The following KIF26B variants were observed in gnomAD, a reference collection of about 807,000 sequenced individuals.
KIF26B encodes the protein kinesin-like protein KIF26B.
A neutral mutation model predicts 151.2 loss-of-function variants in KIF26B; 63 were observed. The observed-to-expected ratio is 0.42, with a 90% CI of 0.34 to 0.51. KIF26B has a LOEUF of 0.51. KIF26B is among the 20% of genes least tolerant of loss of function. The probability of loss-of-function intolerance (pLI) is 0.07; values close to 1 mark genes in which losing one functional copy is unlikely to be tolerated. For missense variants in KIF26B, 2,813 were observed against 2,913.6 expected, an observed-to-expected ratio of 0.97 and a Z score of 0.79; for synonymous variants, 1,357 against 1,262.1, an observed-to-expected ratio of 1.08 and a Z score of -1.59.
At chr1:245,654,700 C>T (rs950540976) in intron 10 of KIF26B, among the ~76,000 whole-genome samples, 5 of 152,136 alleles carry the variant, frequency 3.3e-5, no homozygotes, top group South Asian at 4.1e-4. Context: ...GAAGGGTGAC[C>T]GTTTCCCACA....
At chr1:245,425,353 C>A (rs112018114) in intron 4 of KIF26B, among the ~76,000 whole-genome samples, 2 of 152,240 alleles carry the variant, frequency 1.3e-5, no homozygotes, top group African/African-American at 2.4e-5. Context: ...TTTTGGGTGA[C>A]CTCATATCTT....
At chr1:245,156,725 C>A in intron 2 of KIF26B, 42 bp downstream of exon 2, 1 of 1,302,422 alleles carries the variant, frequency 7.7e-7, no homozygotes, top group Non-Finnish European at 9.9e-7. Flanking sequence ...GCCGGGAGGG[C>A]GGGGCCGGGC....
rs536291916 is a variant in KIF26B at position 245,181,115 on chromosome 1, C to T, written c.465+24432C>T. On this transcript the variant is annotated intron_variant, in intron 2 of 14. Coordinates refer to ENST00000407071, the MANE Select transcript of KIF26B (RefSeq NM_018012.4). The stretch of plus-strand genomic sequence containing the variant: ...GACCTTTCTGCATTAAAGTTTCGTG[C>T]CATTATCTCTTTCACATACAAATTC... 3.8e-4 allele frequency among the ~76,000 whole-genome samples: 58 copies of T among 152,164 alleles called. 1 individual carries two copies. Among genetic ancestry groups the T allele is most frequent in the Admixed American group, 9.2e-4 (14 of 15,282 alleles).
In KIF26B at chr1:245,495,469, A is replaced by G. The variant is rs1226120683; in HGVS notation, c.1167-45298A>G. Among the ~76,000 whole-genome samples the G allele has an allele frequency of 1.3e-5, 2 of 152,206 alleles. No homozygotes were observed. Among genetic ancestry groups the G allele is most frequent in the African/African-American group, 4.8e-5 (2 of 41,456 alleles). On this transcript the variant is annotated intron_variant, in intron 4 of 14. Coordinates refer to ENST00000407071, the MANE Select transcript of KIF26B (RefSeq NM_018012.4). This position sits in a 1 kb window ranked among gnomAD's most constrained non-coding sequence, Gnocchi z 4.2. ...AATCAGCATATCTATCAACTCAAAC[A>G]TTTATCATGTCTTTGTGTTGTGGAC...
intron 10 of KIF26B, among the ~76,000 whole-genome samples, chr1:245,660,688 G>A (rs10802237): frequency 0.3 from 46,184 of 151,952 alleles, 10,812 homozygotes; most frequent in African/African-American, 0.66. Flanking sequence ...TACTTAGCTT[G>A]GCAGTTTCCC....
intron 2 of KIF26B, among the ~76,000 whole-genome samples, chr1:245,286,889 C>CT (rs2102971052): frequency 6.6e-6 from 1 of 152,292 alleles, no homozygotes; most frequent in African/African-American, 2.4e-5. Flanking sequence ...AAGCAGATCA[C>CT]TTGAGGTCAG....
chr1:245,602,804 A>G lies in KIF26B; in HGVS notation c.1557+21A>G. 1 of 1,610,526 alleles carries G rather than the reference A, an allele frequency of 6.2e-7. No individual in the cohort carries two copies. Among genetic ancestry groups the G allele is most frequent in the Non-Finnish European group, 8.5e-7 (1 of 1,178,026 alleles). ...CTCAGGTGGGTATCAGCCCCCTCTC[A>G]GGCTCAGGCAACGTTGATGAAAGGG... On this transcript the variant is annotated intron_variant, in intron 6 of 14. Transcript: ENST00000407071. The surrounding 1 kb of genome is among the most constrained non-coding windows in gnomAD (Gnocchi z 4.5).
At chr1:245,237,151 C>G (rs1670125808) in intron 2 of KIF26B, among the ~76,000 whole-genome samples, 1 of 152,208 alleles carries the variant, frequency 6.6e-6, no homozygotes, top group Admixed American at 6.5e-5. Flanking sequence ...TTCTTCCCTT[C>G]TTTCTTCCTC....
In KIF26B at chr1:245,691,696, C is replaced by T. The variant is rs140194439; in HGVS notation, c.5824+2889C>T. On this transcript the variant is annotated intron_variant, in intron 12 of 14. Transcript: ENST00000407071. ...AGGAGACATCTTTTGTCTGAGATGGCTTTTGAATTTGGAATATTTTAATGC... is the reference window on the plus strand; with the variant it reads ...AGGAGACATCTTTTGTCTGAGATGGTTTTTGAATTTGGAATATTTTAATGC... Among the ~76,000 whole-genome samples the T allele has an allele frequency of 7.2e-5, 11 of 152,262 alleles. No individual in the cohort carries two copies. The East Asian group carries it at 2.1e-3, about 29-fold the overall frequency.
At chr1:245,697,342 A>AG (rs1164397738) in intron 12 of KIF26B, among the ~76,000 whole-genome samples, 1 of 152,170 alleles carries the variant, frequency 6.6e-6, no homozygotes, top group African/African-American at 2.4e-5. Flanking sequence ...TGAAAGAAAG[A>AG]GGATAGATAC....
At chr1:245,464,981 CT>C (rs34890904) in intron 4 of KIF26B, among the ~76,000 whole-genome samples, 26,904 of 136,152 alleles carry the variant, frequency 0.2, 2,669 homozygotes, top group Middle Eastern at 0.24. Context: ...TACCTCATGC[CT>C]TTTTTTTTTT....
At chr1:245,164,749 A>G (rs1211777963) in intron 2 of KIF26B, among the ~76,000 whole-genome samples, 4 of 152,214 alleles carry the variant, frequency 2.6e-5, no homozygotes, top group Admixed American at 1.3e-4. Flanking sequence ...GGCACTCATG[A>G]AGGGAGTGAA....
At chr1:245,483,591 A>G (rs1027060257) in intron 4 of KIF26B, among the ~76,000 whole-genome samples, 2 of 151,944 alleles carry the variant, frequency 1.3e-5, no homozygotes, top group Non-Finnish European at 2.9e-5. Context: ...GGGGGGACAC[A>G]TTGAGCAAGT....
chr1:245,525,403 G>T (rs1052690814), intron 4 of KIF26B, among the ~76,000 whole-genome samples: 1 of 152,190 alleles, frequency 6.6e-6, no homozygotes, highest in South Asian at 2.1e-4. Context: ...TTAGTGATTT[G>T]TTGGACAGGA....
chr1:245,315,341 C>T (rs887703029), intron 2 of KIF26B, among the ~76,000 whole-genome samples: 1 of 151,472 alleles, frequency 6.6e-6, no homozygotes, highest in Non-Finnish European at 1.5e-5. Flanking sequence ...GCCACTGAGA[C>T]CCACACTTCA....
At chr1:245,249,683 A>G (rs967064954) in intron 2 of KIF26B, among the ~76,000 whole-genome samples, 8 of 152,016 alleles carry the variant, frequency 5.3e-5, no homozygotes, top group Admixed American at 2.6e-4. Flanking sequence ...GGGTTTCACC[A>G]TGGTGGCCAG....
At position 245,367,745 on chromosome 1, in the gene KIF26B, G is replaced by A. The variant is rs546394853; in HGVS notation, c.999+378G>A. 2.0e-5 allele frequency among the ~76,000 whole-genome samples: 3 copies of A among 152,292 alleles called. No homozygotes were observed. Among genetic ancestry groups the A allele is most frequent in the East Asian group, 3.9e-4 (2 of 5,174 alleles). On this transcript the variant is annotated intron_variant, in intron 3 of 14. Coordinates refer to ENST00000407071, the MANE Select transcript of KIF26B (RefSeq NM_018012.4). The surrounding 1 kb of genome is among the most constrained non-coding windows in gnomAD (Gnocchi z 4.2). The stretch of plus-strand genomic sequence containing the variant: ...ATACTTGGACTGGGGTCCAAGCCCC[G>A]ACTTGTCCACTTATTAGCAGCGTGA...
At chr1:245,258,059 T>A (rs78552680) in intron 2 of KIF26B, among the ~76,000 whole-genome samples, 2,046 of 152,130 alleles carry the variant, frequency 0.013, 38 homozygotes, top group African/African-American at 0.036. Flanking sequence ...CTCGATCTTG[T>A]CACATTCTCC....
intron 2 of KIF26B, among the ~76,000 whole-genome samples, chr1:245,331,054 TCCAGGAGG>T (rs1426681365): frequency 6.6e-6 from 1 of 151,780 alleles, no homozygotes; most frequent in Non-Finnish European, 1.5e-5. Flanking sequence ...GACGCTGATG[TCCAGGAGG>T]GAGCCTCAGA....
Sources: gnomAD v4.1 joint callset for allele counts (sites outside exome capture counted in the v4.1 genomes callset) on GRCh38, gnomAD v4.1.1 for gene constraint, Gnocchi (gnomAD v3.1) non-coding constraint, MANE v1.5 for transcripts, NCBI Gene and HGNC (gene_info 2026-07-23, HGNC 2026-07-21) for gene names.